DIS3: variants seen among roughly 807,000 people sequenced by gnomAD.
DIS3 encodes the protein exosome complex exonuclease RRP44.
A neutral mutation model predicts 113.0 loss-of-function variants in DIS3; 103 were observed. The ratio of observed to expected loss-of-function variants is 0.91; its 90% confidence interval spans 0.78 to 1.07. The LOEUF (loss-of-function observed/expected upper bound fraction) is 1.07, where lower values mean the gene tolerates loss of function less well. DIS3 is among the 50% of genes least tolerant of loss of function. DIS3 has a pLI of 0.00. For synonymous variants in DIS3, 402 were observed against 394.3 expected, an observed-to-expected ratio of 1.02 and a Z score of -0.23; for missense variants, 1,121 against 1,167.1, an observed-to-expected ratio of 0.96 and a Z score of 0.58.
At chr13:72,767,826 G>A (rs986840585) in intron 14 of DIS3, among the ~76,000 whole-genome samples, 1 of 152,158 alleles carries the variant, frequency 6.6e-6, no homozygotes, top group African/African-American at 2.4e-5. Context: ...AACTGCTTGT[G>A]ACCCTATCCT....
In DIS3 at chr13:72,781,756, C is replaced by T; in HGVS notation, c.77G>A (p.Arg26Gln). The change falls in exon 1 of 21, where the codon CGA (arginine) becomes CAA (glutamine). Residue 26 changes from arginine to glutamine, a missense_variant. By Grantham distance (43) the Arg-to-Gln change is conservative (BLOSUM62 1). This residue lies in a region of DIS3 where 254 missense variants were observed against 232.2 expected (regional missense o/e 1.09). Transcript: ENST00000377767. ...GGGCGCACCGCAGCCGATGTCGTCT[C>T]GCAGGTAGTGCTCGCGCACGATCTT... ...VMKIVREHYL[R>Q]DDIGCGAPGC... The T allele has an allele frequency of 6.2e-7, 1 of 1,601,078 alleles. No homozygotes were observed. Among genetic ancestry groups the T allele is most frequent in the Non-Finnish European group, 8.5e-7 (1 of 1,174,362 alleles).
At chr13:72,770,829 A>G in intron 13 of DIS3, 75 bp downstream of exon 13, 2 of 1,041,636 alleles carry the variant, frequency 1.9e-6, no homozygotes, top group Non-Finnish European at 2.7e-6. Flanking sequence ...GTGAATCTTT[A>G]AAAAATTTAT....
chr13:72,758,573 T>C lies in DIS3; in HGVS notation c.*1222A>G, dbSNP rs2033551333. The C allele has an allele frequency of 1.4e-5, 3 of 219,402 alleles. No homozygotes were observed. In the South Asian group the frequency reaches 5.6e-4, roughly 41 times the overall value. The allele number at this position is 219,402 out of a possible 1,614,324, so 13.6% of individuals were successfully genotyped here. On this transcript the variant is annotated 3_prime_UTR_variant, in exon 21 of 21. Coordinates refer to ENST00000377767, the MANE Select transcript of DIS3 (RefSeq NM_014953.5). ...TCCTACTCTACTGTTTCAGTGTCAC[T>C]GACCCATTTTACCTGGACCAAAGAC...
chr13:72,772,975 T>C (rs2033923088), intron 8 of DIS3, 136 bp from the exon 9 acceptor site: 3 of 987,714 alleles, frequency 3.0e-6, no homozygotes, highest in Admixed American at 6.9e-5. Context: ...AATGACCCTT[T>C]AGTAAATTAG....
intron 19 of DIS3, 57 bp downstream of exon 19, chr13:72,761,306 A>G: frequency 1.3e-6 from 2 of 1,555,432 alleles, no homozygotes; most frequent in Non-Finnish European, 1.7e-6. Flanking sequence ...ACCATTTATG[A>G]ACTCTCAAAG....
chr13:72,774,738 A>G (rs941623542), intron 6 of DIS3, among the ~76,000 whole-genome samples: 1 of 152,190 alleles, frequency 6.6e-6, no homozygotes, highest in Admixed American at 6.5e-5. Flanking sequence ...CTTAGCGCAT[A>G]TCATAAGAAA....
intron 8 of DIS3, 63 bp downstream of exon 8, chr13:72,773,621 A>C: frequency 6.6e-7 from 1 of 1,522,280 alleles, no homozygotes; most frequent in Admixed American, 2.1e-5. Flanking sequence ...TATTAAAAGC[A>C]GAAATACTAT....
chr13:72,771,131 A>G lies in DIS3; in HGVS notation c.1620T>C (p.Val540=). 1 of 1,613,640 alleles carries G rather than the reference A, an allele frequency of 6.2e-7. No individual in the cohort carries two copies. Among genetic ancestry groups the G allele is most frequent in the Non-Finnish European group, 8.5e-7 (1 of 1,179,688 alleles). The change falls in exon 12 of 21, where the codon GTT becomes GTC. Residue 540 remains valine (V), a synonymous_variant. Transcript: ENST00000377767. ...ACAAGTTAGAGCTAAGCAACTCTGG[A>G]ACCATGTCAATCCTCTGCAAAAGAT... ...VYLCEKRIDM[V]PELLSSNLCS... is the part of the protein sequence containing the mutation.
Position 72,768,568 on chromosome 13 carries a change from C to T in DIS3, c.1883+217G>A, listed in dbSNP as rs1243688078. ...GAACGACAGGAGAATTGTTCGAATT[C>T]GGGAGGCAGAGGTTACAGTCAGCCG... On this transcript the variant is annotated intron_variant, in intron 14 of 20. Coordinates refer to ENST00000377767, the MANE Select transcript of DIS3 (RefSeq NM_014953.5). 2.6e-5 allele frequency among the ~76,000 whole-genome samples: 4 copies of T among 152,192 alleles called. No individual in the cohort carries two copies. In the East Asian group the frequency reaches 5.8e-4, roughly 22 times the overall value.
chr13:72,780,836 T>C lies in DIS3; in HGVS notation c.386+10A>G. 6.3e-7 allele frequency: 1 copy of C among 1,581,702 alleles called. No homozygotes were observed. The highest frequency in any genetic ancestry group is 8.6e-7 in the Non-Finnish European group (1 of 1,166,422). On this transcript the variant is annotated intron_variant, in intron 2 of 20. Coordinates refer to ENST00000377767, the MANE Select transcript of DIS3 (RefSeq NM_014953.5). ...TGGTTTTCTGATATTTAACGTAATA[T>C]TCCTCCTACCTATGGTGCTCATTAG...
rs1212819145 is a variant in DIS3 at position 72,768,808 on chromosome 13, C to T, written c.1860G>A (p.Leu620=). The T allele has an allele frequency of 6.2e-7, 1 of 1,601,206 alleles. No individual in the cohort carries two copies. The highest frequency in any genetic ancestry group is 2.2e-5 in the East Asian group (1 of 44,596). Residue 620 remains leucine, a synonymous_variant, in exon 14 of 21, where the codon CTG becomes CTA. Transcript: ENST00000377767. The stretch of plus-strand genomic sequence containing the variant: ...ACCCTTTTTCAATCCTTCTTTTCTT[C>T]AGAATTTTGGCTAGTTTATTCAGTC... ...LRGLNKLAKI[L]KKRRIEKGAL...
At position 72,771,880 on chromosome 13, in the gene DIS3, G is replaced by C. The variant is rs780991030; in HGVS notation, c.1520C>G (p.Ala507Gly). ...TGGCCTAATAAAATGGCTCACATCA[G>C]CAATATGAACACCAACCTTAAAAAG... ...NGNLEVGVHI[A>G]DVSHFIRPGN... Residue 507 changes from alanine (A) to glycine (G), a missense_variant, in exon 11 of 21, where the codon GCT (alanine) becomes GGT (glycine). By Grantham distance (60) the Ala-to-Gly change is moderately conservative (BLOSUM62 0). Around this residue, in one of 3 missense-constraint regions of DIS3, gnomAD observed 861 missense variants for 915.5 expected, o/e 0.94. Coordinates refer to ENST00000377767, the MANE Select transcript of DIS3 (RefSeq NM_014953.5). The C allele has an allele frequency of 2.5e-6, 4 of 1,613,394 alleles. No homozygotes were observed. Among genetic ancestry groups the C allele is most frequent in the Non-Finnish European group, 3.4e-6 (4 of 1,179,786 alleles).
At chr13:72,781,463 A>G in intron 1 of DIS3, 142 bp downstream of exon 1, 3 of 1,453,540 alleles carry the variant, frequency 2.1e-6, no homozygotes, top group Admixed American at 2.6e-5. Flanking sequence ...CCTGGGGAAC[A>G]GGAAGCTTCG....
intron 13 of DIS3, among the ~76,000 whole-genome samples, chr13:72,770,403 T>C (rs965313503): frequency 6.6e-6 from 1 of 152,128 alleles, no homozygotes; most frequent in Admixed American, 6.6e-5. Context: ...CTGAAATACA[T>C]TTGTCTGTAT....
chr13:72,772,609 T>TA (rs2033912121), intron 9 of DIS3, 84 bp downstream of exon 9: 2 of 1,419,604 alleles, frequency 1.4e-6, no homozygotes, highest in Admixed American at 2.5e-5. Context: ...GGTGTCTACA[T>TA]ATTTAAAAAC....
Position 72,753,840 on chromosome 13 carries a change from G to A in DIS3, c.*5955C>T. On this transcript the variant is annotated 3_prime_UTR_variant, in exon 21 of 21. Transcript: ENST00000377767. ...TATGAAGGTACGGAGAAAATATAGT[G>A]AAAGCTTAATATTGTTTAGATTAGA... 1 of 1,595,476 alleles carries A rather than the reference G, an allele frequency of 6.3e-7. No individual in the cohort carries two copies. The highest frequency in any genetic ancestry group is 1.1e-5 in the South Asian group (1 of 90,028).
In DIS3 at chr13:72,755,463, G is replaced by C; in HGVS notation, c.*4332C>G. On this transcript the variant is annotated 3_prime_UTR_variant, in exon 21 of 21. Coordinates refer to ENST00000377767, the MANE Select transcript of DIS3 (RefSeq NM_014953.5). ...TTTTTATACTTACATTGAGTGATGT[G>C]TTTAACAACAAATTGTGACAGAGCT... The C allele has an allele frequency of 2.2e-6, 1 of 461,640 alleles. No homozygotes were observed. Among genetic ancestry groups the C allele is most frequent in the Non-Finnish European group, 3.8e-6 (1 of 261,850 alleles). 28.6% of individuals were successfully genotyped at this position (461,640 alleles called of 1,614,324 possible).
chr13:72,755,946 T>C lies in DIS3; in HGVS notation c.*3849A>G. ...GGGTAGGGATGTGGGAGAATAAGAA[T>C]GTGGGAGAACCAAGAGAAAAAGTGG... On this transcript the variant is annotated 3_prime_UTR_variant, in exon 21 of 21. Transcript: ENST00000377767. The C allele has an allele frequency of 2.5e-6, 1 of 398,584 alleles. No homozygotes were observed. The highest frequency in any genetic ancestry group is 4.4e-6 in the Non-Finnish European group (1 of 226,076). 24.7% of individuals were successfully genotyped at this position (398,584 alleles called of 1,614,324 possible).
Position 72,755,134 on chromosome 13 carries a change from T to C in DIS3, c.*4661A>G. On this transcript the variant is annotated 3_prime_UTR_variant, in exon 21 of 21. Transcript: ENST00000377767. Reference sequence around the variant, plus strand: ...CCTACTTAAACTGAAAACAAGGTATTGTCTTCTTTTTCACAGCAAGACCAC... The same window carrying C: ...CCTACTTAAACTGAAAACAAGGTATCGTCTTCTTTTTCACAGCAAGACCAC... 6.2e-7 allele frequency: 1 copy of C among 1,612,048 alleles called. No individual in the cohort carries two copies. The highest frequency in any genetic ancestry group is 8.5e-7 in the Non-Finnish European group (1 of 1,178,522).
Sources: gnomAD v4.1 joint callset for allele counts (sites outside exome capture counted in the v4.1 genomes callset) on GRCh38, gnomAD v4.1.1 for gene constraint, gnomAD v4.1.1 regional missense constraint, MANE v1.5 for transcripts, NCBI Gene and HGNC (gene_info 2026-07-23, HGNC 2026-07-21) for gene names.